DNAJB6: variants seen among roughly 807,000 people sequenced by gnomAD.
The protein encoded by DNAJB6 is dnaJ homolog subfamily B member 6.
In DNAJB6, 16 loss-of-function variants were observed where a neutral mutation model predicts 42.7. That is an observed-to-expected ratio of 0.37 (90% confidence interval 0.25 to 0.57). DNAJB6 has a LOEUF of 0.57. Ranked by LOEUF, DNAJB6 falls within the 20% of genes least tolerant of loss-of-function variation. DNAJB6 has a pLI of 0.74. For synonymous variants in DNAJB6, 170 were observed against 163.5 expected (o/e 1.04, Z -0.30); for missense variants, 347 against 416.8 (o/e 0.83, Z 1.46).
At chr7:157,402,987 G>A (rs1050931733) in intron 8 of DNAJB6, among the ~76,000 whole-genome samples, 65 of 152,184 alleles carry the variant, frequency 4.3e-4, no homozygotes, top group African/African-American at 1.5e-3. Flanking sequence ...CCGTGACACA[G>A]CCTCAGGAGG....
At chr7:157,347,827 G>A (rs924633630) in intron 1 of DNAJB6, among the ~76,000 whole-genome samples, 2 of 152,088 alleles carry the variant, frequency 1.3e-5, no homozygotes, top group African/African-American at 2.4e-5. Context: ...TTGGAGTCTC[G>A]CTCTGTCACC....
rs79410615 is a variant in DNAJB6 at position 157,367,349 on chromosome 7, A to G, written c.236-24A>G. The G allele has an allele frequency of 3.9e-3, 5,836 of 1,488,794 alleles. 156 individuals are homozygous for G. The East Asian group carries it at 0.063, about 16-fold the overall frequency. 92.2% of individuals were successfully genotyped at this position (1,488,794 alleles called of 1,614,324 possible). A position where few individuals can be genotyped will look rare whatever the true frequency, so the allele number is the denominator to read the frequency against. On this transcript the variant is annotated intron_variant, in intron 4 of 9. Coordinates refer to ENST00000262177, the MANE Select transcript of DNAJB6 (RefSeq NM_058246.4). ...TACAAAGCACCAAAATTCATAAACT[A>G]AAAGCTGTGTTGTATTTGTGCAGGT...
intron 1 of DNAJB6, among the ~76,000 whole-genome samples, chr7:157,345,153 C>T (rs897635695): frequency 5.3e-5 from 8 of 152,056 alleles, no homozygotes; most frequent in Non-Finnish European, 1.0e-4. Context: ...GCCACCACAC[C>T]TGGCTAGTTT....
intron 6 of DNAJB6, among the ~76,000 whole-genome samples, chr7:157,384,069 C>T (rs148899658): frequency 1.5e-4 from 23 of 152,268 alleles, no homozygotes; most frequent in African/African-American, 4.8e-4. Context: ...CAGAGGTATG[C>T]GTCATTTGTG....
intron 5 of DNAJB6, among the ~76,000 whole-genome samples, chr7:157,375,604 A>G (rs910557029): frequency 6.6e-6 from 1 of 152,178 alleles, no homozygotes; most frequent in African/African-American, 2.4e-5. Flanking sequence ...GGCAGTGGAG[A>G]GAAACACTGA....
intron 5 of DNAJB6, among the ~76,000 whole-genome samples, chr7:157,376,816 G>A (rs1219323450): frequency 6.6e-6 from 1 of 152,172 alleles, no homozygotes; most frequent in Non-Finnish European, 1.5e-5. Flanking sequence ...GGAGGCAGAG[G>A]TTGCAGTGAG....
intron 5 of DNAJB6, among the ~76,000 whole-genome samples, chr7:157,372,773 G>T (rs1225400463): frequency 6.6e-6 from 1 of 152,176 alleles, no homozygotes; most frequent in East Asian, 1.9e-4. Context: ...CAGTCCTGGA[G>T]GCTGGCCATG....
At chr7:157,338,441 C>T (rs1056171140) in intron 1 of DNAJB6, among the ~76,000 whole-genome samples, 1 of 152,120 alleles carries the variant, frequency 6.6e-6, no homozygotes, top group Admixed American at 6.6e-5. Flanking sequence ...TCAAGCGAGT[C>T]TCCTGCCTCA....
chr7:157,355,109 A>G (rs541768302), intron 1 of DNAJB6, among the ~76,000 whole-genome samples: 1 of 152,316 alleles, frequency 6.6e-6, no homozygotes, highest in South Asian at 2.1e-4. Flanking sequence ...CACATGTAGG[A>G]TGAGAGTTGG....
intron 5 of DNAJB6, among the ~76,000 whole-genome samples, chr7:157,369,976 C>T (rs1800090072): frequency 6.8e-6 from 1 of 147,348 alleles, no homozygotes; most frequent in African/African-American, 2.6e-5. Context: ...CCTTTCTTAA[C>T]ATTATTATTA....
chr7:157,374,546 ACCGTGCCAGGCCGTTCATTT>A lies in DNAJB6; in HGVS notation c.346+7065_346+7084del, dbSNP rs1417987431. On this transcript the variant is annotated intron_variant, in intron 5 of 9. Transcript: ENST00000262177. ...AGTGCTGGGATTACAGGCATGAGCC[ACCGTGCCAGGCCGTTCATTT>A]CTACTGAAAATTATCCTGGCTAGTG... 2.0e-5 allele frequency among the ~76,000 whole-genome samples: 3 copies of A among 152,264 alleles called. No individual in the cohort carries two copies. In the East Asian group the frequency reaches 5.8e-4, roughly 29 times the overall value.
intron 8 of DNAJB6, among the ~76,000 whole-genome samples, chr7:157,405,492 G>A (rs1275822827): frequency 6.6e-6 from 1 of 152,202 alleles, no homozygotes; most frequent in Non-Finnish European, 1.5e-5. Flanking sequence ...GAATGGGCCA[G>A]GGTGCTGGGT....
At chr7:157,338,432 C>T (rs575835811) in intron 1 of DNAJB6, among the ~76,000 whole-genome samples, 206 of 152,136 alleles carry the variant, frequency 1.4e-3, no homozygotes, top group African/African-American at 4.6e-3. Flanking sequence ...CTCCCAGGTT[C>T]AAGCGAGTCT....
intron 8 of DNAJB6, among the ~76,000 whole-genome samples, chr7:157,407,683 C>T (rs1563152501): frequency 6.6e-6 from 1 of 152,172 alleles, no homozygotes; most frequent in Non-Finnish European, 1.5e-5. Context: ...TGTCCCCGGG[C>T]AGCCTGCAGA....
chr7:157,346,082 C>T (rs774264944), intron 1 of DNAJB6, among the ~76,000 whole-genome samples: 1 of 151,924 alleles, frequency 6.6e-6, no homozygotes, highest in African/African-American at 2.4e-5. Context: ...GCATTGAACA[C>T]ACGGGCCAGG....
intron 5 of DNAJB6, among the ~76,000 whole-genome samples, chr7:157,371,573 C>G (rs951280434): frequency 6.6e-6 from 1 of 152,238 alleles, no homozygotes; most frequent in Non-Finnish European, 1.5e-5. Context: ...TAACACCAGC[C>G]TGGAAGGAAT....
In DNAJB6 at chr7:157,352,595, GCTGT is replaced by G. The variant is rs1310665039; in HGVS notation, c.-26-5947_-26-5944del. Among the ~76,000 whole-genome samples the G allele has an allele frequency of 2.6e-5, 4 of 152,194 alleles. No homozygotes were observed. In the East Asian group the frequency reaches 7.7e-4, roughly 29 times the overall value. On this transcript the variant is annotated intron_variant, in intron 1 of 9. Transcript: ENST00000262177. ...GAGTTCTCCTGACTGTGCTCAGGCG[GCTGT>G]CTGTGTGCCCATCGCTCCTGCCTGC...
intron 5 of DNAJB6, among the ~76,000 whole-genome samples, chr7:157,371,350 G>C (rs909310858): frequency 6.6e-6 from 1 of 152,282 alleles, no homozygotes; most frequent in Admixed American, 6.5e-5. Flanking sequence ...TCAGAATGCA[G>C]AACCCCTGCT....
intron 2 of DNAJB6, among the ~76,000 whole-genome samples, chr7:157,359,350 T>C (rs2116953040): frequency 6.6e-6 from 1 of 152,340 alleles, no homozygotes. Flanking sequence ...ATTAACTTTT[T>C]TGGGGGCCAA....
Sources: allele counts gnomAD v4.1 joint callset (sites outside exome capture counted in the v4.1 genomes callset), GRCh38; gene constraint gnomAD v4.1.1; transcripts MANE v1.5; gene names NCBI Gene and HGNC (gene_info 2026-07-23, HGNC 2026-07-21).